PARP14: variants seen among roughly 807,000 people sequenced by gnomAD.
The protein encoded by PARP14 is protein mono-ADP-ribosyltransferase PARP14.
Under a neutral mutation model 154.2 loss-of-function variants are expected in PARP14, and 59 were observed. The observed-to-expected ratio is 0.38, with a 90% CI of 0.31 to 0.48. The LOEUF (loss-of-function observed/expected upper bound fraction) is 0.48, where lower values mean the gene tolerates loss of function less well. Ranked by LOEUF, PARP14 falls within the 20% of genes least tolerant of loss-of-function variation. PARP14 has a pLI of 0.98. For missense variants in PARP14, 1,734 were observed against 2,131.6 expected, an observed-to-expected ratio of 0.81 and a Z score of 3.67; for synonymous variants, 720 against 780.5, an observed-to-expected ratio of 0.92 and a Z score of 1.29.
chr3:122,711,141 A>T (rs1038502413), intron 9 of PARP14, among the ~76,000 whole-genome samples: 1 of 152,162 alleles, frequency 6.6e-6, no homozygotes, highest in African/African-American at 2.4e-5. Context: ...AGAAGTGGTA[A>T]AAGTGGGCAT....
rs1482396720 is a variant in PARP14 at position 122,729,883 on chromosome 3, G to A, written c.*1286G>A. The stretch of plus-strand genomic sequence containing the variant: ...TTTCCTTGACAGCCTAGCGTTTGAT[G>A]ATTTTAAAGCCTTATGTATAAATAA... On this transcript the variant is annotated 3_prime_UTR_variant, in exon 17 of 17. Coordinates refer to ENST00000474629, the MANE Select transcript of PARP14 (RefSeq NM_017554.3). The A allele has an allele frequency of 6.6e-5, 10 of 152,170 alleles. No individual in the cohort carries two copies. Among genetic ancestry groups the A allele is most frequent in the African/African-American group, 2.4e-4 (10 of 41,446 alleles). The allele number at this position is 152,170 out of a possible 1,614,324, so 9.4% of individuals were successfully genotyped here.
chr3:122,701,837 T>C lies in PARP14; in HGVS notation c.3081+202T>C, dbSNP rs1938988974. Among the ~76,000 whole-genome samples the C allele has an allele frequency of 6.6e-6, 1 of 152,198 alleles. No homozygotes were observed. On this transcript the variant is annotated intron_variant, in intron 6 of 16. Transcript: ENST00000474629. This position sits in a 1 kb window ranked among gnomAD's most constrained non-coding sequence, Gnocchi z 4.0. ...TCATTTACTAATAGAGATCGGCCAA[T>C]TATTTGTGAGAACTGAAAGGGTATA...
In PARP14 at chr3:122,723,018, C is replaced by T. The variant is rs187057969; in HGVS notation, c.4941+2630C>T. ...TGGCGCGATCTTGGCTCACTGCAAC[C>T]TCCGCCTACCGGTTGCAAGCGATTC... On this transcript the variant is annotated intron_variant, in intron 15 of 16. Transcript: ENST00000474629. Among the ~76,000 whole-genome samples, 38 of 152,056 alleles carry T rather than the reference C, an allele frequency of 2.5e-4. No homozygotes were observed. The East Asian group carries it at 7.2e-3, about 29-fold the overall frequency.
Position 122,681,048 on chromosome 3 carries a change from GGT to G in PARP14, c.168_169del (p.Phe57LeufsTer17). 1 of 1,613,706 alleles carries G rather than the reference GGT, an allele frequency of 6.2e-7. No homozygotes were observed. Among genetic ancestry groups the G allele is most frequent in the East Asian group, 2.2e-5 (1 of 44,864 alleles). On this transcript the variant is annotated frameshift_variant, in exon 1 of 17. Transcript: ENST00000474629. LOFTEE classifies it high-confidence loss of function. The surrounding 1 kb of genome is among the most constrained non-coding windows in gnomAD (Gnocchi z 5.5). ...ATCCCAGGAGCCCATCCCGCTTCCT[GGT>G]GTTCTTCTACCCGGAGGACGGTGAG... ...QDPRSPSRFLVFFYPEDVRQK... is the reference protein window; with the variant it reads ...QDPRSPSRFLXFFYPEDVRQK...
intron 15 of PARP14, chr3:122,722,052 C>T (rs1933177678): frequency 6.6e-6 from 1 of 152,180 alleles, no homozygotes; most frequent in Admixed American, 6.5e-5. Context: ...AGGTACAAGA[C>T]TCATAATGTC....
At chr3:122,684,365 A>G (rs1938304015) in intron 1 of PARP14, among the ~76,000 whole-genome samples, 2 of 152,128 alleles carry the variant, frequency 1.3e-5, no homozygotes, top group African/African-American at 4.8e-5. Context: ...GATTTTCTTC[A>G]TATCTCTCTG....
At chr3:122,706,659 G>T (rs1449735822) in intron 8 of PARP14, among the ~76,000 whole-genome samples, 5 of 152,068 alleles carry the variant, frequency 3.3e-5, no homozygotes, top group African/African-American at 1.2e-4. Context: ...CTAGAAGCCT[G>T]TGAGTCTGAG....
chr3:122,701,460 C>T lies in PARP14; in HGVS notation c.2906C>T (p.Ala969Val), dbSNP rs1187933806. 3 of 1,613,848 alleles carry T rather than the reference C, an allele frequency of 1.9e-6. No individual in the cohort carries two copies. The highest frequency in any genetic ancestry group is 2.5e-6 in the Non-Finnish European group (3 of 1,179,880). Residue 969 changes from alanine to valine, a missense_variant, in exon 6 of 17, where the codon GCC becomes GTC. Physicochemically the swap from Ala to Val is moderately conservative, Grantham distance 64. This residue lies in a region of PARP14 where 1,646 missense variants were observed against 1,976.0 expected (regional missense o/e 0.83). Transcript: ENST00000474629. This position sits in a 1 kb window ranked among gnomAD's most constrained non-coding sequence, Gnocchi z 4.0. ...GATGTATCTGAGAAGACTGTTGAGG[C>T]CTTTGCAGAAGCTGTGAAAACTGTA... ...LVDVSEKTVE[A>V]FAEAVKTVFK...
rs1268345489 is a variant in PARP14, at chr3:122,720,247, C to T, written c.4808-8C>T. 6.2e-7 allele frequency: 1 copy of T among 1,612,248 alleles called. No individual in the cohort carries two copies. Among genetic ancestry groups the T allele is most frequent in the Non-Finnish European group, 8.5e-7 (1 of 1,179,146 alleles). On this transcript the variant is annotated splice_polypyrimidine_tract_variant and splice_region_variant and intron_variant, in intron 14 of 16. Coordinates refer to ENST00000474629, the MANE Select transcript of PARP14 (RefSeq NM_017554.3). ...GTATGAGGGCATCCTCAAATGTCTC[C>T]TTTGCAGTTGACATCCCTGCACACT... is the stretch of plus-strand genomic sequence containing the variant.
At chr3:122,705,274 C>T (rs528391655) in intron 8 of PARP14, among the ~76,000 whole-genome samples, 5 of 152,270 alleles carry the variant, frequency 3.3e-5, no homozygotes, top group East Asian at 3.9e-4. Context: ...ATCTCATAAA[C>T]GTTTTGTTTT....
At position 122,704,442 on chromosome 3, in the gene PARP14, T is replaced by C. The variant is rs1213925539; in HGVS notation, c.3319-85T>C. 3.8e-6 allele frequency: 3 copies of C among 790,548 alleles called. No individual in the cohort carries two copies. The East Asian group carries it at 8.0e-5, about 21-fold the overall frequency. 49.0% of individuals were successfully genotyped at this position (790,548 alleles called of 1,614,324 possible). A position where few individuals can be genotyped will look rare whatever the true frequency, so the allele number is the denominator to read the frequency against. On this transcript the variant is annotated intron_variant, in intron 7 of 16. Transcript: ENST00000474629. ...TGACAGCAAAAAGGAGTATTCAAGT[T>C]CACAAAGTTGCTAAATTCTTGTCCT...
chr3:122,696,102 A>T (rs1938764631), intron 5 of PARP14, among the ~76,000 whole-genome samples: 1 of 152,302 alleles, frequency 6.6e-6, no homozygotes. Context: ...AATGGACAGG[A>T]GTGGTTTCAC....
Position 122,715,609 on chromosome 3 carries a change from T to TCTAA in PARP14, c.4000+1183_4000+1184insACTA, listed in dbSNP as rs1932975442. 4.8e-5 allele frequency among the ~76,000 whole-genome samples: 6 copies of TCTAA among 125,642 alleles called. No homozygotes were observed. The South Asian group carries it at 1.4e-3, about 30-fold the overall frequency. 82.4% of individuals were successfully genotyped at this position (125,642 alleles called of 152,430 possible). On this transcript the variant is annotated intron_variant, in intron 12 of 16. Transcript: ENST00000474629. ...TCTCTACCAGTCATCTATCTATCTATCTATCTATCTATCTATCTATCTATC... is the reference window on the plus strand; with the variant it reads ...TCTCTACCAGTCATCTATCTATCTATCTAACTATCTATCTATCTATCTATCTATC...
In PARP14 at chr3:122,716,742, C is replaced by T. The variant is rs569347359; in HGVS notation, c.4001-1329C>T. ...GCGTCCTAACTAGACCTGGGCTCCCCGCTCCATGCTTCCTCCATACCCCTC... is the reference window on the plus strand; with the variant it reads ...GCGTCCTAACTAGACCTGGGCTCCCTGCTCCATGCTTCCTCCATACCCCTC... On this transcript the variant is annotated intron_variant, in intron 12 of 16. Transcript: ENST00000474629. Among the ~76,000 whole-genome samples, 10 of 152,288 alleles carry T rather than the reference C, an allele frequency of 6.6e-5. No homozygotes were observed. In the East Asian group the frequency reaches 1.5e-3, roughly 24 times the overall value.
chr3:122,704,053 A>G, intron 7 of PARP14, 75 bp downstream of exon 7: 1 of 948,622 alleles, frequency 1.1e-6, no homozygotes, highest in Non-Finnish European at 1.7e-6. Flanking sequence ...TATTAATTGG[A>G]CATAGATTGG....
chr3:122,702,179 G>A (rs1938999398), intron 6 of PARP14, among the ~76,000 whole-genome samples: 1 of 152,084 alleles, frequency 6.6e-6, no homozygotes, highest in Non-Finnish European at 1.5e-5. Context: ...TAGGCTGCAG[G>A]GGCATGGCAG....
chr3:122,684,252 A>G (rs1289876030), intron 1 of PARP14, among the ~76,000 whole-genome samples: 2 of 152,170 alleles, frequency 1.3e-5, no homozygotes, highest in African/African-American at 4.8e-5. Flanking sequence ...GGCACTCTCA[A>G]AAACTCCTTT....
intron 12 of PARP14, among the ~76,000 whole-genome samples, chr3:122,717,587 C>T (rs1028045194): frequency 6.6e-6 from 1 of 152,062 alleles, no homozygotes; most frequent in Non-Finnish European, 1.5e-5. Context: ...AATTAGGTTC[C>T]CAGAGATATC....
Position 122,718,786 on chromosome 3 carries a change from T to C in PARP14, c.4635T>C (p.Ser1545=), listed in dbSNP as rs921005833. 1.9e-6 allele frequency: 3 copies of C among 1,613,708 alleles called. No individual in the cohort carries two copies. The highest frequency in any genetic ancestry group is 2.5e-6 in the Non-Finnish European group (3 of 1,179,772). Residue 1545 remains serine, a synonymous_variant, in exon 14 of 17, where the codon TCT becomes TCC. Transcript: ENST00000474629. Reference sequence around the variant, plus strand: ...GGCAGTATAATGACAATAACACTTCTCATTGTTTTAACAAAATGACCAATC... The same window carrying C: ...GGCAGTATAATGACAATAACACTTCCCATTGTTTTAACAAAATGACCAATC... ...IEWQYNDNNT[S]HCFNKMTNLK...
Sources: gnomAD v4.1 joint callset for allele counts (sites outside exome capture counted in the v4.1 genomes callset) on GRCh38, gnomAD v4.1.1 for gene constraint, gnomAD v4.1.1 regional missense constraint, Gnocchi (gnomAD v3.1) non-coding constraint, MANE v1.5 for transcripts, NCBI Gene and HGNC (gene_info 2026-07-23, HGNC 2026-07-21) for gene names.